The following ABCC2 variants were observed in gnomAD, a reference collection of about 807,000 sequenced individuals.
ABCC2 encodes the protein ATP binding cassette subfamily C member 2.
ABCC2 carries 157 observed loss-of-function variants against 173.4 expected under a neutral mutation model. The observed-to-expected ratio is 0.91, with a 90% CI of 0.80 to 1.03. ABCC2 has a LOEUF of 1.03. Ranked by LOEUF, ABCC2 falls within the 50% of genes least tolerant of loss-of-function variation. The pLI is 0.00. For missense variants in ABCC2, 1,822 were observed against 1,852.3 expected (o/e 0.98, Z 0.30); for synonymous variants, 657 against 693.5 (o/e 0.95, Z 0.83).
At chr10:99,849,100 TGTAATCCCAGCA>T (rs2039055477) in intron 30 of ABCC2, among the ~76,000 whole-genome samples, 1 of 152,258 alleles carries the variant, frequency 6.6e-6, no homozygotes, top group Admixed American at 6.5e-5. Context: ...GGCACAGGCC[TGTAATCCCAGCA>T]GTAATCCCTC....
At chr10:99,841,796 A>G (rs1200397587) in intron 25 of ABCC2, among the ~76,000 whole-genome samples, 171 bp from the exon 26 acceptor site, 1 of 152,260 alleles carries the variant, frequency 6.6e-6, no homozygotes, top group Non-Finnish European at 1.5e-5. Flanking sequence ...TAAAAAATAT[A>G]TCAATAGGCT....
intron 29 of ABCC2, 90 bp from the exon 30 acceptor site, chr10:99,846,871 C>T: frequency 1.3e-6 from 2 of 1,539,110 alleles, no homozygotes; most frequent in Non-Finnish European, 1.8e-6. Flanking sequence ...CATCTCAGGC[C>T]AGTCCTATCC....
intron 21 of ABCC2, 47 bp downstream of exon 21, chr10:99,830,898 G>A: frequency 1.2e-6 from 2 of 1,611,698 alleles, no homozygotes; most frequent in Non-Finnish European, 1.7e-6. Context: ...ATAAGGTTTA[G>A]AACCCAAAAT....
At chr10:99,782,949 G>A (rs1047207281) in intron 1 of ABCC2, 72 bp downstream of exon 1, 3 of 1,517,588 alleles carry the variant, frequency 2.0e-6, no homozygotes, top group South Asian at 2.3e-5. Context: ...TTAACTTAGG[G>A]TGGTCACCAA....
chr10:99,786,207 C>A (rs534668871), intron 2 of ABCC2, among the ~76,000 whole-genome samples: 4 of 152,242 alleles, frequency 2.6e-5, no homozygotes, highest in Non-Finnish European at 5.9e-5. Flanking sequence ...CCTGTAATCC[C>A]AGTTCCTCTG....
chr10:99,843,300 C>T (rs2038972862), intron 26 of ABCC2, among the ~76,000 whole-genome samples: 1 of 152,226 alleles, frequency 6.6e-6, no homozygotes, highest in Non-Finnish European at 1.5e-5. Flanking sequence ...TACTCTGAGT[C>T]CCCATGATTC....
intron 19 of ABCC2, among the ~76,000 whole-genome samples, chr10:99,829,497 C>T (rs1223380704): frequency 2.6e-5 from 4 of 152,134 alleles, no homozygotes; most frequent in African/African-American, 9.7e-5. Context: ...GAGTAGATAT[C>T]TGGAGGTTCC....
At chr10:99,814,928 C>T (rs751946646) in intron 16 of ABCC2, among the ~76,000 whole-genome samples, 1 of 151,520 alleles carries the variant, frequency 6.6e-6, no homozygotes, top group Non-Finnish European at 1.5e-5. Flanking sequence ...CTCAGCCTCC[C>T]AAATAGCTGG....
intron 31 of ABCC2, 120 bp downstream of exon 31, chr10:99,850,916 A>C: frequency 8.0e-7 from 1 of 1,247,680 alleles, no homozygotes; most frequent in East Asian, 2.3e-5. Context: ...CTGATGAAGA[A>C]ACTGAGACTT....
intron 24 of ABCC2, 35 bp from the exon 25 acceptor site, chr10:99,836,056 G>T (rs1438101452): frequency 1.9e-6 from 3 of 1,607,916 alleles, no homozygotes; most frequent in Non-Finnish European, 2.6e-6. Context: ...CCTCATGACT[G>T]CGGGACTGGC....
At chr10:99,786,800 C>T (rs946027988) in intron 2 of ABCC2, among the ~76,000 whole-genome samples, 3 of 151,958 alleles carry the variant, frequency 2.0e-5, no homozygotes, top group Non-Finnish European at 2.9e-5. Context: ...GTCAGGAGTT[C>T]GAGACGAGCC....
In ABCC2 at chr10:99,795,165, A is replaced by T. The variant is rs565354293; in HGVS notation, c.632+697A>T. On this transcript the variant is annotated intron_variant, in intron 6 of 31. Coordinates refer to ENST00000647814, the MANE Select transcript of ABCC2 (RefSeq NM_000392.5). ...CAGGGACCCATTTGGCAGGCTGGTG[A>T]AGTCTATGAATCCCTTCTCAGGAAG... Among the ~76,000 whole-genome samples the T allele has an allele frequency of 3.9e-5, 6 of 152,296 alleles. No individual in the cohort carries two copies. In the East Asian group the frequency reaches 7.7e-4, roughly 20 times the overall value.
At chr10:99,832,190 G>A in intron 23 of ABCC2, 59 bp downstream of exon 23, 1 of 1,601,952 alleles carries the variant, frequency 6.2e-7, no homozygotes, top group Non-Finnish European at 8.5e-7. Flanking sequence ...TTTCTGATAG[G>A]GAGGAATTAT....
At chr10:99,814,809 A>G (rs373869401) in intron 16 of ABCC2, among the ~76,000 whole-genome samples, 1,709 of 105,676 alleles carry the variant, frequency 0.016, 23 homozygotes, top group Non-Finnish European at 0.02. Context: ...GTGTGTGTGT[A>G]TATATATATT....
At chr10:99,832,748 A>C (rs74232648) in intron 23 of ABCC2, among the ~76,000 whole-genome samples, 2 of 152,190 alleles carry the variant, frequency 1.3e-5, no homozygotes, top group Admixed American at 1.3e-4. Flanking sequence ...CAGTGATTTT[A>C]AAAAGTTCTC....
chr10:99,841,955 G>A lies in ABCC2; in HGVS notation c.3615-12G>A, dbSNP rs2038953536. ...TCAGTGACACGCACTCTCTGGTTCT[G>A]TTGCCCCACAGGTGGCTTGCAATTC... On this transcript the variant is annotated splice_polypyrimidine_tract_variant and intron_variant, in intron 25 of 31. Transcript: ENST00000647814. 1.2e-6 allele frequency: 2 copies of A among 1,614,026 alleles called. No individual in the cohort carries two copies. Among genetic ancestry groups the A allele is most frequent in the Admixed American group, 1.7e-5 (1 of 60,000 alleles).
chr10:99,812,093 A>T (rs1396841014), intron 15 of ABCC2, among the ~76,000 whole-genome samples: 1 of 152,220 alleles, frequency 6.6e-6, no homozygotes, highest in African/African-American at 2.4e-5. Context: ...CAGCACACAG[A>T]GTACACCAGG....
At chr10:99,814,596 C>CACACATATGTGTATATACACATAT (rs2038343907) in intron 16 of ABCC2, among the ~76,000 whole-genome samples, 13 of 29,346 alleles carry the variant, frequency 4.4e-4, no homozygotes, top group Admixed American at 8.2e-4. Flanking sequence ...TACACATATA[C>CACACATATGTGTATATACACATAT]ACACACATAT....
In ABCC2 at chr10:99,830,430, G is replaced by A. The variant is rs779670568; in HGVS notation, c.2744G>A (p.Arg915His). Residue 915 changes from arginine (R) to histidine (H), a missense_variant, in exon 20 of 32, where the codon CGC becomes CAC. By Grantham distance (29) the Arg-to-His change is conservative (BLOSUM62 0). Coordinates refer to ENST00000647814, the MANE Select transcript of ABCC2 (RefSeq NM_000392.5). ...RENSFRRTLS[R>H]SSRSNGRHLK... ...AACAGCTTTCGTCGAACACTTAGCC[G>A]CAGGTTGGCTATCTATTCAGCTGGC... The A allele has an allele frequency of 3.5e-5, 56 of 1,614,038 alleles. No homozygotes were observed. The highest frequency in any genetic ancestry group is 6.6e-5 in the South Asian group (6 of 91,090).
Sources: gnomAD v4.1 joint callset for allele counts (sites outside exome capture counted in the v4.1 genomes callset) on GRCh38, gnomAD v4.1.1 for gene constraint, MANE v1.5 for transcripts, NCBI Gene and HGNC (gene_info 2026-07-23, HGNC 2026-07-21) for gene names.